The following MARCO variants were observed in gnomAD, a reference collection of about 807,000 sequenced individuals.
MARCO encodes the protein macrophage receptor MARCO.
A neutral mutation model predicts 70.0 loss-of-function variants in MARCO; 72 were observed. That is an observed-to-expected ratio of 1.03 (90% CI 0.85 to 1.25). The LOEUF (loss-of-function observed/expected upper bound fraction) is 1.25, where lower values mean the gene tolerates loss of function less well. Ranked by LOEUF, MARCO falls within the 50% of genes most tolerant of loss-of-function variation. The pLI is 0.00. For synonymous variants in MARCO, 273 were observed against 243.1 expected (o/e 1.12, Z -1.14); for missense variants, 696 against 659.3 (o/e 1.06, Z -0.61).
At chr2:118,989,547 C>T (rs1680582713) in intron 12 of MARCO, among the ~76,000 whole-genome samples, 1 of 152,174 alleles carries the variant, frequency 6.6e-6, no homozygotes, top group Non-Finnish European at 1.5e-5. Context: ...CTCGTTATTC[C>T]AAGAAGGGGC....
chr2:118,983,880 G>A (rs1284704401), intron 12 of MARCO, among the ~76,000 whole-genome samples: 1 of 152,078 alleles, frequency 6.6e-6, no homozygotes, highest in Non-Finnish European at 1.5e-5. Context: ...TTTACCCACA[G>A]GAGCATTGTG....
At chr2:118,959,681 C>T (rs1323622678) in intron 1 of MARCO, among the ~76,000 whole-genome samples, 5 of 152,180 alleles carry the variant, frequency 3.3e-5, no homozygotes, top group Admixed American at 2.6e-4. Context: ...AAGATACTTG[C>T]ACATGCATGT....
intron 8 of MARCO, among the ~76,000 whole-genome samples, chr2:118,979,612 G>A (rs914433611): frequency 3.3e-5 from 5 of 152,264 alleles, no homozygotes; most frequent in Middle Eastern, 3.4e-3. Context: ...CAACCACACT[G>A]TCACAAAGGC....
chr2:118,974,007 A>G (rs910241071), intron 4 of MARCO, among the ~76,000 whole-genome samples: 5 of 152,156 alleles, frequency 3.3e-5, no homozygotes, highest in African/African-American at 1.2e-4. Context: ...ATCTCAGGAC[A>G]TCCCTGTGTA....
Position 118,986,709 on chromosome 2 carries a change from GAAA to G in MARCO, c.1064-3879_1064-3877del, listed in dbSNP as rs1558671962. 8.7e-4 allele frequency among the ~76,000 whole-genome samples: 78 copies of G among 89,798 alleles called. 3 individuals are homozygous for G. Among genetic ancestry groups the G allele is most frequent in the South Asian group, 5.4e-3 (13 of 2,418 alleles). The allele number at this position is 89,798 out of a possible 152,430, so 58.9% of individuals were successfully genotyped here. ...AGAAAGAAAGAAAGAAAGAAAGAAAGAAAGAAAGAAAGAAAAGAAAGAAAGAAA... is the reference window on the plus strand; with the variant it reads ...AGAAAGAAAGAAAGAAAGAAAGAAAGGAAAGAAAGAAAAGAAAGAAAGAAA... On this transcript the variant is annotated intron_variant, in intron 12 of 16. Transcript: ENST00000327097.
Position 118,981,426 on chromosome 2 carries a change from G to C in MARCO, c.784G>C (p.Gly262Arg). ...LGLPGSKGDR[G>R]MKGDAGVMGP... The stretch of plus-strand genomic sequence containing the variant: ...TTTTTCAGGAAGCAAAGGGGACAGG[G>C]GCATGAAAGGAGATGCAGGGGTCAT... The change falls in exon 9 of 17, where the codon GGC (glycine) becomes CGC (arginine). Residue 262 changes from glycine to arginine, a missense_variant. Gly to Arg is a moderately radical substitution (Grantham distance 125). This residue lies in a region of MARCO where 605 missense variants were observed against 537.6 expected (regional missense o/e 1.13). Transcript: ENST00000327097. The C allele has an allele frequency of 1.2e-6, 2 of 1,600,486 alleles. No homozygotes were observed. Among genetic ancestry groups the C allele is most frequent in the Non-Finnish European group, 1.7e-6 (2 of 1,176,970 alleles).
intron 1 of MARCO, among the ~76,000 whole-genome samples, chr2:118,951,275 G>A (rs1583779): frequency 0.15 from 22,189 of 152,176 alleles, 2,182 homozygotes; most frequent in Non-Finnish European, 0.2. Context: ...TAGGTCTGGT[G>A]GGACCTTTCT....
intron 1 of MARCO, among the ~76,000 whole-genome samples, chr2:118,946,850 G>T (rs1407619978): frequency 1.3e-5 from 2 of 152,156 alleles, no homozygotes; most frequent in Non-Finnish European, 2.9e-5. Flanking sequence ...TTTAAATGTA[G>T]CCATTCTCGT....
chr2:118,955,395 C>G (rs1441111229), intron 1 of MARCO, among the ~76,000 whole-genome samples: 1 of 151,860 alleles, frequency 6.6e-6, no homozygotes, highest in Non-Finnish European at 1.5e-5. Context: ...CCCAATCCAA[C>G]AAAGACAAAG....
chr2:118,975,274 A>G (rs115732950), intron 6 of MARCO, among the ~76,000 whole-genome samples: 2,771 of 152,296 alleles, frequency 0.018, 42 homozygotes, highest in Middle Eastern at 0.034. Context: ...TCCAACTTGC[A>G]AATTCCGCAA....
At chr2:118,964,738 A>C (rs1457594097) in intron 1 of MARCO, among the ~76,000 whole-genome samples, 2 of 152,002 alleles carry the variant, frequency 1.3e-5, no homozygotes, top group Admixed American at 1.3e-4. Context: ...AAATATAAAA[A>C]TTAGCCGGGC....
chr2:118,944,888 CA>C (rs1483832118), intron 1 of MARCO: 1 of 152,176 alleles, frequency 6.6e-6, no homozygotes, highest in Non-Finnish European at 1.5e-5. Context: ...CTCATTAGAA[CA>C]AGCCTCCTTC....
intron 4 of MARCO, 149 bp downstream of exon 4, chr2:118,971,683 C>T: frequency 1.3e-6 from 1 of 749,192 alleles, no homozygotes; most frequent in Non-Finnish European, 2.2e-6. Context: ...AGTTGGGTCT[C>T]CTCTCTGTTC....
At chr2:118,984,236 C>A (rs1466843426) in intron 12 of MARCO, among the ~76,000 whole-genome samples, 1 of 152,322 alleles carries the variant, frequency 6.6e-6, no homozygotes, top group Middle Eastern at 3.4e-3. Flanking sequence ...CAGAAGGTAG[C>A]AGCTTGTTCC....
chr2:118,973,590 G>A (rs1007918809), intron 4 of MARCO, among the ~76,000 whole-genome samples: 1 of 152,076 alleles, frequency 6.6e-6, no homozygotes, highest in African/African-American at 2.4e-5. Context: ...GCCTTGCCTG[G>A]TCAAGACTTC....
chr2:118,969,358 C>T (rs1024662505), intron 2 of MARCO, 97 bp downstream of exon 2: 31 of 852,290 alleles, frequency 3.6e-5, no homozygotes, highest in Middle Eastern at 3.4e-4. Flanking sequence ...TGGAGAGCCT[C>T]GGGCCACTGC....
intron 12 of MARCO, 39 bp from the exon 13 acceptor site, chr2:118,990,550 A>T: frequency 6.4e-7 from 1 of 1,567,916 alleles, no homozygotes; most frequent in Non-Finnish European, 8.7e-7. Context: ...CCTAAGTTTT[A>T]TTATCTCCTC....
chr2:118,959,951 T>G (rs1267450695), intron 1 of MARCO, among the ~76,000 whole-genome samples: 1 of 151,850 alleles, frequency 6.6e-6, no homozygotes, highest in Non-Finnish European at 1.5e-5. Flanking sequence ...CTTTGGGGAC[T>G]TGGAGGGAAG....
intron 12 of MARCO, among the ~76,000 whole-genome samples, chr2:118,987,293 T>C (rs2104607094): frequency 6.6e-6 from 1 of 152,282 alleles, no homozygotes; most frequent in African/African-American, 2.4e-5. Context: ...CTAGAACCTA[T>C]TTTTTAGCCA....
Sources: gnomAD v4.1 joint callset for allele counts (sites outside exome capture counted in the v4.1 genomes callset) on GRCh38, gnomAD v4.1.1 for gene constraint, gnomAD v4.1.1 regional missense constraint, MANE v1.5 for transcripts, NCBI Gene and HGNC (gene_info 2026-07-23, HGNC 2026-07-21) for gene names.